Variants in CLIC2 observed in about 807,000 individuals in gnomAD.
CLIC2 encodes the protein chloride intracellular channel protein 2.
Under a neutral mutation model 14.8 loss-of-function variants are expected in CLIC2, and 9 were observed. The observed-to-expected ratio is 0.61, with a 90% CI of 0.37 to 1.06. CLIC2 has a LOEUF of 1.06. CLIC2 is among the 50% of genes least tolerant of loss of function. CLIC2 has a pLI of 0.01. For missense variants in CLIC2, 148 were observed against 181.4 expected (o/e 0.82, Z 1.06); for synonymous variants, 61 against 66.3 (o/e 0.92, Z 0.39).
At chrX:155,313,029 G>A (rs1557320738) in intron 1 of CLIC2, among the ~76,000 whole-genome samples, 1 of 110,506 alleles carries the variant, frequency 9.0e-6, no homozygotes, top group East Asian at 2.8e-4. Context: ...ATCTCACGCA[G>A]TCAGAATGGC....
intron 3 of CLIC2, among the ~76,000 whole-genome samples, chrX:155,298,098 C>A (rs2075000783): frequency 9.2e-6 from 1 of 109,080 alleles, no homozygotes; most frequent in African/African-American, 3.3e-5. Context: ...GGAAGAGTCA[C>A]CTGGGCCCCA....
At chrX:155,296,212 A>T (rs782215655) in intron 3 of CLIC2, among the ~76,000 whole-genome samples, 5 of 111,805 alleles carry the variant, frequency 4.5e-5, no homozygotes, top group Non-Finnish European at 9.4e-5. Flanking sequence ...ATAAATTCAC[A>T]TATTTACTGC....
At chrX:155,321,458 C>G (rs2075114261) in intron 1 of CLIC2, among the ~76,000 whole-genome samples, 1 of 111,882 alleles carries the variant, frequency 8.9e-6, no homozygotes, top group African/African-American at 3.2e-5. Context: ...CATATCCAGA[C>G]AAGCAAAGCT....
chrX:155,293,711 T>C (rs782220891), intron 3 of CLIC2, among the ~76,000 whole-genome samples: 7 of 111,762 alleles, frequency 6.3e-5, no homozygotes, highest in African/African-American at 9.8e-5. Context: ...TGAAATGGGT[T>C]GATAAAGATA....
At chrX:155,286,127 C>T (rs1340010532) in intron 3 of CLIC2, among the ~76,000 whole-genome samples, 2 of 111,897 alleles carry the variant, frequency 1.8e-5, no homozygotes, top group Non-Finnish European at 3.8e-5. Flanking sequence ...CCTTTCCCTC[C>T]TCCAACCCTC....
chrX:155,304,892 G>GGGGGTCA (rs1467030391), intron 1 of CLIC2, among the ~76,000 whole-genome samples: 1 of 98,098 alleles, frequency 1.0e-5, no homozygotes, highest in East Asian at 3.3e-4. Flanking sequence ...TAGGCTGCTC[G>GGGGGTCA]GGGGTCAGGG....
intron 3 of CLIC2, among the ~76,000 whole-genome samples, chrX:155,283,070 G>A (rs1316020690): frequency 4.5e-5 from 5 of 111,848 alleles, no homozygotes; most frequent in Admixed American, 9.4e-5. Flanking sequence ...CTTCAGGCCC[G>A]ACCCAGAACT....
intron 3 of CLIC2, chrX:155,292,357 A>G: frequency 3.6e-6 from 2 of 562,470 alleles, no homozygotes; most frequent in Non-Finnish European, 6.5e-6. Context: ...ACGATAAAGG[A>G]ATATCCAGCC....
intron 1 of CLIC2, among the ~76,000 whole-genome samples, chrX:155,306,486 AT>A (rs1180537240): frequency 1.8e-5 from 2 of 111,459 alleles, no homozygotes; most frequent in Non-Finnish European, 3.8e-5. Flanking sequence ...CCAGGCTCAG[AT>A]TTTTTTTATA....
intron 1 of CLIC2, among the ~76,000 whole-genome samples, chrX:155,304,903 G>T (rs782265667): frequency 9.9e-6 from 1 of 101,428 alleles, no homozygotes; most frequent in South Asian, 5.1e-4. Context: ...GGGGTCAGGG[G>T]TCAGGGACCC....
chrX:155,292,757 G>C (rs372865338), intron 3 of CLIC2: 67 of 464,938 alleles, frequency 1.4e-4, no homozygotes, highest in East Asian at 4.8e-4. Context: ...GCGACAGAGC[G>C]AGACTCCGTC....
At chrX:155,291,740 A>G (rs1207703477) in intron 3 of CLIC2, among the ~76,000 whole-genome samples, 5 of 112,637 alleles carry the variant, frequency 4.4e-5, no homozygotes, top group Admixed American at 1.9e-4. Context: ...CTATCATTCA[A>G]GGAAATACAA....
At chrX:155,297,527 C>G (rs2074996423) in intron 3 of CLIC2, among the ~76,000 whole-genome samples, 1 of 108,114 alleles carries the variant, frequency 9.2e-6, no homozygotes, top group Non-Finnish European at 1.9e-5. Flanking sequence ...ATAATTTGTA[C>G]TGATAAAAAA....
At chrX:155,320,473 T>G (rs1557321505) in intron 1 of CLIC2, among the ~76,000 whole-genome samples, 3 of 112,116 alleles carry the variant, frequency 2.7e-5, no homozygotes, top group African/African-American at 9.7e-5. Context: ...GGGTCCTGAC[T>G]GTTAGAAGCA....
intron 1 of CLIC2, chrX:155,310,501 C>T (rs1174072502): frequency 1.3e-5 from 3 of 230,877 alleles, no homozygotes; most frequent in Non-Finnish European, 2.6e-5. Flanking sequence ...GGCAGCTCTG[C>T]CCCTGTGGCT....
chrX:155,325,761 GATAT>G (rs60334475), intron 1 of CLIC2, among the ~76,000 whole-genome samples: 3,497 of 32,724 alleles, frequency 0.11, 123 homozygotes, highest in Non-Finnish European at 0.13. Flanking sequence ...AAGAAAATGT[GATAT>G]ATATATATAT....
intron 4 of CLIC2, among the ~76,000 whole-genome samples, chrX:155,279,702 A>C (rs1557316204): frequency 8.9e-6 from 1 of 111,837 alleles, no homozygotes; most frequent in East Asian, 2.8e-4. Context: ...AGAAACCTTA[A>C]AGGTACACAG....
intron 1 of CLIC2, among the ~76,000 whole-genome samples, chrX:155,324,575 A>G (rs1382000680): frequency 8.9e-6 from 1 of 111,999 alleles, no homozygotes. Flanking sequence ...AGAAAACGGA[A>G]TCTGGACCCC....
chrX:155,315,430 C>T (rs2075091583), intron 1 of CLIC2, among the ~76,000 whole-genome samples: 1 of 111,838 alleles, frequency 8.9e-6, no homozygotes, highest in African/African-American at 3.2e-5. Flanking sequence ...ACCCTACAAG[C>T]TAAAAGGAAT....
Sources: gnomAD v4.1 joint callset for allele counts (sites outside exome capture counted in the v4.1 genomes callset) on GRCh38, gnomAD v4.1.1 for gene constraint, MANE v1.5 for transcripts, NCBI Gene and HGNC (gene_info 2026-07-23, HGNC 2026-07-21) for gene names.